The following ZNF518A variants were observed in gnomAD, a reference collection of about 807,000 sequenced individuals.
The protein encoded by ZNF518A is zinc finger protein 518.
ZNF518A carries 47 observed loss-of-function variants against 102.7 expected under a neutral mutation model. That is an observed-to-expected ratio of 0.46 (90% CI 0.36 to 0.58). The LOEUF (loss-of-function observed/expected upper bound fraction) is 0.58. ZNF518A is among the 20% of genes least tolerant of loss of function. The probability of loss-of-function intolerance (pLI) is 0.00; values close to 1 mark genes in which losing one functional copy is unlikely to be tolerated. For missense variants in ZNF518A, 1,793 were observed against 1,699.8 expected (o/e 1.05, Z -0.96); for synonymous variants, 652 against 594.6 (o/e 1.10, Z -1.40).
In ZNF518A at chr10:96,200,021, C is replaced by G. The variant is rs1268685436; in HGVS notation, n.36-3553C>G. On this transcript the variant is annotated intron_variant and non_coding_transcript_variant, in intron 1 of 2. Transcript: ENST00000442635. The surrounding 1 kb of genome is among the most constrained non-coding windows in gnomAD (Gnocchi z 4.3). ...CCAGTGAAACTGCATCATCTCAAAA[C>G]AAATAAATAAAATAAAATAAAATAA... The G allele has an allele frequency of 8.0e-7, 1 of 1,253,846 alleles. No homozygotes were observed. The highest frequency in any genetic ancestry group is 1.0e-6 in the Non-Finnish European group (1 of 967,666). 77.7% of individuals were successfully genotyped at this position (1,253,846 alleles called of 1,614,324 possible). A position where few individuals can be genotyped will look rare whatever the true frequency, so the allele number is the denominator to read the frequency against.
intron 1 of ZNF518A, chr10:96,196,871 ATAGT>A (rs745631180): frequency 6.3e-7 from 1 of 1,592,552 alleles, no homozygotes; most frequent in Non-Finnish European, 8.6e-7. Flanking sequence ...TACTCAATGC[ATAGT>A]TATAGAATTG....
At chr10:96,170,860 T>C (rs782102028) in intron 1 of ZNF518A, among the ~76,000 whole-genome samples, 6 of 152,150 alleles carry the variant, frequency 3.9e-5, no homozygotes, top group Admixed American at 6.6e-5. Flanking sequence ...TTTAGAATAA[T>C]GAACCCTTAC....
At chr10:96,179,135 C>T (rs1445274580) in intron 1 of ZNF518A, among the ~76,000 whole-genome samples, 1 of 151,950 alleles carries the variant, frequency 6.6e-6, no homozygotes, top group African/African-American at 2.4e-5. Context: ...CTATGGATGT[C>T]TATGTTAAAA....
chr10:96,167,311 G>A (rs1449369381), downstream of ZNF518A, among the ~76,000 whole-genome samples: 1 of 151,990 alleles, frequency 6.6e-6, no homozygotes, highest in Non-Finnish European at 1.5e-5. Flanking sequence ...AAATAAATTG[G>A]CCAAGCGTGG....
chr10:96,197,167 G>A lies in ZNF518A; in HGVS notation n.36-6407G>A, dbSNP rs1019427725. ...AGAACACCTATATTACATTCCAAAGGTAAATTATTTAGCTACATTATTTTT... is the reference window on the plus strand; with the variant it reads ...AGAACACCTATATTACATTCCAAAGATAAATTATTTAGCTACATTATTTTT... On this transcript the variant is annotated intron_variant and non_coding_transcript_variant, in intron 1 of 2. Coordinates refer to the ZNF518A transcript ENST00000442635. 17 of 837,592 alleles carry A rather than the reference G, an allele frequency of 2.0e-5. No individual in the cohort carries two copies. In the South Asian group the frequency reaches 2.9e-4, roughly 14 times the overall value. 51.9% of individuals were successfully genotyped at this position (837,592 alleles called of 1,614,324 possible). A position where few individuals can be genotyped will look rare whatever the true frequency, so the allele number is the denominator to read the frequency against.
Position 96,130,457 on chromosome 10 carries a change from A to T in ZNF518A, c.-748A>T, listed in dbSNP as rs973141540. 1.3e-5 allele frequency among the ~76,000 whole-genome samples: 2 copies of T among 152,194 alleles called. No individual in the cohort carries two copies. Among genetic ancestry groups the T allele is most frequent in the East Asian group, 3.8e-4 (2 of 5,196 alleles). On this transcript the variant is annotated 5_prime_UTR_variant, in exon 1 of 6. Coordinates refer to ENST00000316045, the MANE Select transcript of ZNF518A (RefSeq NM_001330736.2). ...ATTCTAGGAGCTGGGTGGGAGTAGGAGACGGTGTGCCTCCGCGCTCCCCGC... is the reference window on the plus strand; with the variant it reads ...ATTCTAGGAGCTGGGTGGGAGTAGGTGACGGTGTGCCTCCGCGCTCCCCGC...
chr10:96,174,249 C>G (rs1410255484), intron 1 of ZNF518A, among the ~76,000 whole-genome samples: 2 of 151,610 alleles, frequency 1.3e-5, no homozygotes, highest in Non-Finnish European at 2.9e-5. Context: ...TAACTTTATA[C>G]TTTAAGGAAC....
chr10:96,139,845 C>A (rs1011887462), intron 3 of ZNF518A, among the ~76,000 whole-genome samples: 12 of 151,898 alleles, frequency 7.9e-5, no homozygotes, highest in African/African-American at 2.9e-4. Context: ...AATACAAGAT[C>A]TGTTGGTTTT....
At position 96,159,240 on chromosome 10, in the gene ZNF518A, A is replaced by G; in HGVS notation, c.2918A>G (p.Asn973Ser). The change falls in exon 6 of 6, where the codon AAC (asparagine) becomes AGC (serine). Residue 973 changes from asparagine to serine, a missense_variant. Asn to Ser is a conservative substitution (Grantham distance 46). This residue lies in a region of ZNF518A where 1,741 missense variants were observed against 1,622.6 expected (regional missense o/e 1.07). Coordinates refer to ENST00000316045, the MANE Select transcript of ZNF518A (RefSeq NM_001330736.2). ...SQGIPASLFV[N>S]KKPGMVLTLN... ...GGTATCCCTGCTTCTCTTTTTGTAA[A>G]CAAGAAACCTGGGATGGTTTTAACA... is the stretch of plus-strand genomic sequence containing the variant. 1.2e-6 allele frequency: 2 copies of G among 1,613,548 alleles called. No homozygotes were observed. The highest frequency in any genetic ancestry group is 1.7e-6 in the Non-Finnish European group (2 of 1,179,720).
chr10:96,135,992 A>T (rs2081577586), intron 3 of ZNF518A, among the ~76,000 whole-genome samples: 1 of 152,172 alleles, frequency 6.6e-6, no homozygotes, highest in Non-Finnish European at 1.5e-5. Flanking sequence ...GGATGGAGTT[A>T]AAAATGATTA....
At position 96,156,234 on chromosome 10, in the gene ZNF518A, GTC is replaced by G; in HGVS notation, c.-85_-84del. 2 of 1,292,454 alleles carry G rather than the reference GTC, an allele frequency of 1.5e-6. No homozygotes were observed. The highest frequency in any genetic ancestry group is 2.4e-5 in the East Asian group (1 of 41,032). 80.1% of individuals were successfully genotyped at this position (1,292,454 alleles called of 1,614,324 possible). A position where few individuals can be genotyped will look rare whatever the true frequency, so the allele number is the denominator to read the frequency against. On this transcript the variant is annotated 5_prime_UTR_variant, in exon 6 of 6. An upstream open reading frame in the 5' UTR loses its in-frame stop. Transcript: ENST00000316045. ...GGGAAAAATCCTGTATATTGAAGAT[GTC>G]TCTACACAGTATCGTTTCCTGTTTA...
intron 3 of ZNF518A, among the ~76,000 whole-genome samples, chr10:96,140,063 G>A (rs2081838050): frequency 6.6e-6 from 1 of 151,966 alleles, no homozygotes; most frequent in Admixed American, 6.6e-5. Flanking sequence ...TCTCTATGTT[G>A]GTCAGGCTGG....
Position 96,186,435 on chromosome 10 carries a change from G to A in ZNF518A, n.36-17139G>A, listed in dbSNP as rs1458718949. 3.9e-5 allele frequency among the ~76,000 whole-genome samples: 6 copies of A among 151,958 alleles called. No homozygotes were observed. In the East Asian group the frequency reaches 1.2e-3, roughly 29 times the overall value. On this transcript the variant is annotated intron_variant and non_coding_transcript_variant, in intron 1 of 2. Transcript: ENST00000442635. ...TTTTTTTTTGACGGAGTCTCTCTCTGTCATCAGACTGGAGTGCAGTGGCAC... is the reference window on the plus strand; with the variant it reads ...TTTTTTTTTGACGGAGTCTCTCTCTATCATCAGACTGGAGTGCAGTGGCAC...
rs587622492 is a variant in ZNF518A, at chr10:96,186,051, G to A, written n.36-17523G>A. The stretch of plus-strand genomic sequence containing the variant: ...GCCAGGCGCCGGATATAATCTCCTG[G>A]TGTTCCATTTGCTAAGACCATTGGA... On this transcript the variant is annotated intron_variant and non_coding_transcript_variant, in intron 1 of 2. Transcript: ENST00000442635. 2.0e-5 allele frequency among the ~76,000 whole-genome samples: 3 copies of A among 152,344 alleles called. No individual in the cohort carries two copies. The East Asian group carries it at 5.8e-4, about 29-fold the overall frequency.
chr10:96,168,929 T>C (rs953991327), intron 1 of ZNF518A, among the ~76,000 whole-genome samples: 7 of 152,368 alleles, frequency 4.6e-5, no homozygotes, highest in African/African-American at 9.6e-5. Context: ...TTCATTAAAT[T>C]TGAGAGGTTT....
intron 3 of ZNF518A, among the ~76,000 whole-genome samples, chr10:96,143,833 A>T (rs2082049403): frequency 6.6e-6 from 1 of 152,136 alleles, no homozygotes; most frequent in Admixed American, 6.5e-5. Flanking sequence ...CATTTCTTTT[A>T]AAAAAATTAA....
In ZNF518A at chr10:96,169,181, T is replaced by A. The variant is rs193072243; in HGVS notation, n.35+13134T>A. On this transcript the variant is annotated intron_variant and non_coding_transcript_variant, in intron 1 of 2. Transcript: ENST00000442635. ...ATAGCCCAGCTAACTTTTAAAAAAATTTTTGTAGAGTTAGAATCTTACTGT... is the reference window on the plus strand; with the variant it reads ...ATAGCCCAGCTAACTTTTAAAAAAAATTTTGTAGAGTTAGAATCTTACTGT... Among the ~76,000 whole-genome samples, 359 of 132,276 alleles carry A rather than the reference T, an allele frequency of 2.7e-3. 1 individual carries two copies. Among genetic ancestry groups the A allele is most frequent in the African/African-American group, 7.0e-3 (198 of 28,150 alleles). 86.8% of individuals were successfully genotyped at this position (132,276 alleles called of 152,430 possible).
At chr10:96,129,967 C>G (rs1452540662), upstream of ZNF518A, 1 of 152,714 alleles carries the variant, frequency 6.5e-6, no homozygotes, top group Non-Finnish European at 1.5e-5. Flanking sequence ...ACCCTGCCGG[C>G]CTCCGTTCTC....
intron 1 of ZNF518A, among the ~76,000 whole-genome samples, chr10:96,132,066 C>T (rs1236338271): frequency 1.3e-5 from 2 of 149,862 alleles, no homozygotes; most frequent in African/African-American, 4.9e-5. Context: ...CACATTCCTT[C>T]AGGTATGCTA....
Sources: allele counts gnomAD v4.1 joint callset (sites outside exome capture counted in the v4.1 genomes callset), GRCh38; gene constraint gnomAD v4.1.1; regional missense constraint gnomAD v4.1.1; non-coding constraint Gnocchi (gnomAD v3.1); transcripts MANE v1.5; gene names NCBI Gene and HGNC (gene_info 2026-07-23, HGNC 2026-07-21).